The following CRACD variants were observed in gnomAD, a reference collection of about 807,000 sequenced individuals.
CRACD encodes the protein capping protein inhibiting regulator of actin dynamics.
Under a neutral mutation model 106.8 loss-of-function variants are expected in CRACD, and 56 were observed. The ratio of observed to expected loss-of-function variants is 0.52; its 90% CI spans 0.42 to 0.66. The LOEUF (loss-of-function observed/expected upper bound fraction) is 0.66. Ranked by LOEUF, CRACD falls within the 30% of genes least tolerant of loss-of-function variation. CRACD has a pLI of 0.00. For synonymous variants in CRACD, 754 were observed against 670.8 expected, an observed-to-expected ratio of 1.12 and a Z score of -1.92; for missense variants, 1,730 against 1,623.2, an observed-to-expected ratio of 1.07 and a Z score of -1.13.
intron 1 of CRACD, among the ~76,000 whole-genome samples, chr4:56,162,660 T>C (rs532756650): frequency 6.6e-6 from 1 of 152,220 alleles, no homozygotes; most frequent in Non-Finnish European, 1.5e-5. Context: ...CACTTTCCAT[T>C]ATAGGACATA....
At chr4:56,134,062 G>A (rs1248886400) in intron 1 of CRACD, among the ~76,000 whole-genome samples, 5 of 152,022 alleles carry the variant, frequency 3.3e-5, no homozygotes, top group South Asian at 2.1e-4. Flanking sequence ...TTAGCTGGAC[G>A]TGGTTGTGCA....
chr4:56,252,116 T>C lies in CRACD; in HGVS notation c.-188-20205T>C, dbSNP rs144455044. Among the ~76,000 whole-genome samples, 764 of 152,358 alleles carry C rather than the reference T, an allele frequency of 5.0e-3. 3 individuals are homozygous for C. Among genetic ancestry groups the C allele is most frequent in the East Asian group, 0.04 (209 of 5,184 alleles). The stretch of plus-strand genomic sequence containing the variant: ...TTTTGGTCATGACCCACTAAATTGA[T>C]TGCAAGGTTCACTAAATGGGCTATC... On this transcript the variant is annotated intron_variant, in intron 2 of 10. Coordinates refer to ENST00000682029, the MANE Select transcript of CRACD (RefSeq NM_001393381.1).
intron 9 of CRACD, 116 bp downstream of exon 9, chr4:56,323,683 C>G (rs1477389716): frequency 7.0e-6 from 7 of 998,746 alleles, no homozygotes; most frequent in Non-Finnish European, 1.0e-5. Context: ...TAGAGAGGGC[C>G]AAGCAGTAAA....
intron 1 of CRACD, among the ~76,000 whole-genome samples, chr4:56,170,481 G>A (rs1443144262): frequency 2.6e-5 from 4 of 152,258 alleles, no homozygotes; most frequent in African/African-American, 9.6e-5. Context: ...ATTGGGTATA[G>A]CAAATCTTGG....
chr4:56,057,525 G>T (rs1732117092), intron 1 of CRACD, among the ~76,000 whole-genome samples: 2 of 151,958 alleles, frequency 1.3e-5, no homozygotes, highest in African/African-American at 4.8e-5. Context: ...TAAAATATTA[G>T]ACATTAACAG....
chr4:56,291,519 A>AT (rs1463388910), intron 3 of CRACD, among the ~76,000 whole-genome samples: 1 of 152,082 alleles, frequency 6.6e-6, no homozygotes, highest in Non-Finnish European at 1.5e-5. Context: ...TTTGGGCAAT[A>AT]TTTTTACCCA....
At chr4:56,244,389 T>A (rs1740555714) in intron 2 of CRACD, among the ~76,000 whole-genome samples, 1 of 152,196 alleles carries the variant, frequency 6.6e-6, no homozygotes, top group Non-Finnish European at 1.5e-5. Context: ...GAAGTAATCA[T>A]AAAGTGTTAC....
intron 2 of CRACD, among the ~76,000 whole-genome samples, chr4:56,190,234 G>C (rs111294138): frequency 0.074 from 11,243 of 151,936 alleles, 579 homozygotes; most frequent in African/African-American, 0.14. Flanking sequence ...GGACATTTGG[G>C]TTGGTTCCAA....
chr4:56,316,562 C>T lies in CRACD; in HGVS notation c.3060C>T (p.Gly1020=). 6.2e-7 allele frequency: 1 copy of T among 1,613,234 alleles called. No individual in the cohort carries two copies. Residue 1020 remains glycine, a synonymous_variant, in exon 8 of 11, where the codon GGC becomes GGT. Transcript: ENST00000682029. ...SSDRRPPSPP[G]PEERKGQKRD... ...ACCGCCGGCCACCCTCGCCCCCAGG[C>T]CCCGAGGAAAGGAAGGGACAGAAGA...
intron 2 of CRACD, among the ~76,000 whole-genome samples, chr4:56,247,202 C>T (rs1740732477): frequency 6.6e-6 from 1 of 152,146 alleles, no homozygotes; most frequent in Non-Finnish European, 1.5e-5. Flanking sequence ...TACAGCCTCT[C>T]CTTCTGCCAT....
At chr4:56,091,997 A>T (rs1733438276) in intron 1 of CRACD, among the ~76,000 whole-genome samples, 1 of 152,210 alleles carries the variant, frequency 6.6e-6, no homozygotes, top group Non-Finnish European at 1.5e-5. Flanking sequence ...AGCCAAGGCA[A>T]CATAGTAAGA....
chr4:56,287,943 C>T (rs1447218468), intron 3 of CRACD, among the ~76,000 whole-genome samples: 1 of 152,180 alleles, frequency 6.6e-6, no homozygotes. Context: ...GTGCTAAACG[C>T]ATCTTCCCTT....
At chr4:56,101,154 C>T (rs955085367) in intron 1 of CRACD, among the ~76,000 whole-genome samples, 1 of 152,030 alleles carries the variant, frequency 6.6e-6, no homozygotes, top group African/African-American at 2.4e-5. Context: ...CAGGGTCCAA[C>T]CCCTTTTCTT....
intron 4 of CRACD, among the ~76,000 whole-genome samples, chr4:56,302,078 T>C (rs775382874): frequency 3.3e-5 from 5 of 152,036 alleles, no homozygotes; most frequent in Non-Finnish European, 5.9e-5. Flanking sequence ...TGGCTTTGGG[T>C]GAAGTCGTTC....
At chr4:56,197,014 T>C (rs1295763341) in intron 2 of CRACD, among the ~76,000 whole-genome samples, 1 of 152,170 alleles carries the variant, frequency 6.6e-6, no homozygotes, top group Admixed American at 6.5e-5. Flanking sequence ...TCAAAAATGC[T>C]TTAATTTTCA....
chr4:56,227,608 A>G (rs1449246966), intron 2 of CRACD, among the ~76,000 whole-genome samples: 1 of 152,202 alleles, frequency 6.6e-6, no homozygotes, highest in African/African-American at 2.4e-5. Context: ...TTTAGGCTTT[A>G]CGGGCCACAT....
intron 1 of CRACD, among the ~76,000 whole-genome samples, chr4:56,112,982 T>TA (rs35636895): frequency 1.6e-4 from 24 of 149,716 alleles, no homozygotes; most frequent in East Asian, 7.9e-4. Context: ...TTTTAAGACT[T>TA]AAAAAAAAAA....
At position 56,175,840 on chromosome 4, in the gene CRACD, A is replaced by G. The variant is rs1166297172; in HGVS notation, c.-335-3444A>G. 2.6e-5 allele frequency among the ~76,000 whole-genome samples: 4 copies of G among 152,166 alleles called. No individual in the cohort carries two copies. The East Asian group carries it at 7.7e-4, about 29-fold the overall frequency. On this transcript the variant is annotated intron_variant, in intron 1 of 10. Coordinates refer to ENST00000682029, the MANE Select transcript of CRACD (RefSeq NM_001393381.1). ...TGGTTGCCTGTGCCTTTGAGGTCTT[A>G]CTCAATAACTTTGTCCAGGCCAATG...
chr4:56,290,697 C>T (rs1743655473), intron 3 of CRACD, among the ~76,000 whole-genome samples: 1 of 152,176 alleles, frequency 6.6e-6, no homozygotes, highest in Admixed American at 6.5e-5. Flanking sequence ...CAAATCAGGA[C>T]AGAAATGTAG....
Sources: gnomAD v4.1 joint callset for allele counts (sites outside exome capture counted in the v4.1 genomes callset) on GRCh38, gnomAD v4.1.1 for gene constraint, MANE v1.5 for transcripts, NCBI Gene and HGNC (gene_info 2026-07-23, HGNC 2026-07-21) for gene names.